The following CAMKK1 variants were observed in gnomAD, a reference collection of about 807,000 sequenced individuals.
The protein encoded by CAMKK1 is calcium/calmodulin-dependent protein kinase kinase 1.
A neutral mutation model predicts 63.5 loss-of-function variants in CAMKK1; 20 were observed. That is an observed-to-expected ratio of 0.32 (90% CI 0.22 to 0.46). CAMKK1 has a LOEUF of 0.46. CAMKK1 is among the 20% of genes least tolerant of loss of function. The pLI is 1.00. For synonymous variants in CAMKK1, 253 were observed against 269.0 expected (o/e 0.94, Z 0.58); for missense variants, 588 against 658.1 (o/e 0.89, Z 1.17).
Position 3,889,266 on chromosome 17 carries a change from G to C in CAMKK1, c.-43-3536C>G, listed in dbSNP as rs1180766432. Among the ~76,000 whole-genome samples, 1 of 152,114 alleles carries C rather than the reference G, an allele frequency of 6.6e-6. No individual in the cohort carries two copies. Among genetic ancestry groups the C allele is most frequent in the African/African-American group, 2.4e-5 (1 of 41,412 alleles). On this transcript the variant is annotated intron_variant, in intron 1 of 15. Transcript: ENST00000348335. This position sits in a 1 kb window ranked among gnomAD's most constrained non-coding sequence, Gnocchi z 5.2. ...CTCAGGCCTTAGTAGATACTCTGTA[G>C]AAACTTAATTCGGTGGATAACTAGG...
chr17:3,867,738 G>A (rs1434363799), intron 14 of CAMKK1, among the ~76,000 whole-genome samples: 1 of 152,154 alleles, frequency 6.6e-6, no homozygotes, highest in Non-Finnish European at 1.5e-5. Flanking sequence ...TGCAAGGCCA[G>A]GCCCCGCCAA....
rs533502166 is a variant in CAMKK1 at position 3,880,789 on chromosome 17, T to TG, written c.708-356_708-355insC. 1.1e-3 allele frequency among the ~76,000 whole-genome samples: 164 copies of TG among 151,958 alleles called. 2 individuals carry two copies. In the South Asian group the frequency reaches 0.012, roughly 11 times the overall value. ...ATTTAGTGGGTGGCAACTGCTTTTT[T>TG]TTTTTTTTCCTAAATAAGTAGAATA... On this transcript the variant is annotated intron_variant, in intron 8 of 15. Coordinates refer to ENST00000348335, the MANE Select transcript of CAMKK1 (RefSeq NM_032294.3).
chr17:3,887,496 G>C lies in CAMKK1; in HGVS notation c.-43-1766C>G, dbSNP rs901130413. ...TGGAGGAGGTGAAGGAGGTGAGGAG[G>C]CTGAGTGAGGCTAGAGTATCAGGGA... On this transcript the variant is annotated intron_variant, in intron 1 of 15. Coordinates refer to ENST00000348335, the MANE Select transcript of CAMKK1 (RefSeq NM_032294.3). This position sits in a 1 kb window ranked among gnomAD's most constrained non-coding sequence, Gnocchi z 6.1. 4.6e-5 allele frequency among the ~76,000 whole-genome samples: 7 copies of C among 150,900 alleles called. No homozygotes were observed. The highest frequency in any genetic ancestry group is 1.2e-4 in the African/African-American group (5 of 41,066).
At chr17:3,880,171 C>T in intron 9 of CAMKK1, 175 bp downstream of exon 9, 1 of 609,644 alleles carries the variant, frequency 1.6e-6, no homozygotes, top group Non-Finnish European at 2.9e-6. Context: ...ACCGCCCGCC[C>T]CACCCCACAA....
chr17:3,877,350 G>A (rs1436797863), intron 9 of CAMKK1, among the ~76,000 whole-genome samples: 2 of 152,126 alleles, frequency 1.3e-5, no homozygotes, highest in African/African-American at 2.4e-5. Flanking sequence ...ATAGTAGGAC[G>A]AATCCCAAAT....
chr17:3,872,704 G>T, intron 11 of CAMKK1, 77 bp from the exon 12 acceptor site: 1 of 1,249,698 alleles, frequency 8.0e-7, no homozygotes, highest in Non-Finnish European at 1.2e-6. Context: ...CCCCTCCCTT[G>T]GTGGGGGCAG....
Position 3,889,099 on chromosome 17 carries a change from C to T in CAMKK1, c.-43-3369G>A, listed in dbSNP as rs2143905735. 6.6e-6 allele frequency among the ~76,000 whole-genome samples: 1 copy of T among 152,250 alleles called. No individual in the cohort carries two copies. Among genetic ancestry groups the T allele is most frequent in the East Asian group, 1.9e-4 (1 of 5,166 alleles). ...CCTGGGGGCCCTGGGAGCCTGATCC[C>T]AGAGCTCATATCTGGACTTTTCCCC... On this transcript the variant is annotated intron_variant, in intron 1 of 15. Coordinates refer to ENST00000348335, the MANE Select transcript of CAMKK1 (RefSeq NM_032294.3). The surrounding 1 kb of genome is among the most constrained non-coding windows in gnomAD (Gnocchi z 5.2).
At position 3,883,635 on chromosome 17, in the gene CAMKK1, G is replaced by C. The variant is rs567919796; in HGVS notation, c.463-155C>G. Reference sequence around the variant, plus strand: ...TAAGTGTTAAGCGGGGTTGGGGGTGGCCATATCTGAGCCTAGCCCTTCCCC... The same window carrying C: ...TAAGTGTTAAGCGGGGTTGGGGGTGCCCATATCTGAGCCTAGCCCTTCCCC... On this transcript the variant is annotated intron_variant, in intron 4 of 15. Transcript: ENST00000348335. This position sits in a 1 kb window ranked among gnomAD's most constrained non-coding sequence, Gnocchi z 4.7. 6.6e-6 allele frequency among the ~76,000 whole-genome samples: 1 copy of C among 152,158 alleles called. No individual in the cohort carries two copies. Among genetic ancestry groups the C allele is most frequent in the Non-Finnish European group, 1.5e-5 (1 of 67,978 alleles).
chr17:3,874,532 C>T (rs571233690), intron 10 of CAMKK1, among the ~76,000 whole-genome samples: 8 of 152,006 alleles, frequency 5.3e-5, no homozygotes, highest in South Asian at 2.1e-4. Flanking sequence ...CCACCATGCC[C>T]GGCTAATTTT....
In CAMKK1 at chr17:3,873,390, T is replaced by C; in HGVS notation, c.1050+19A>G. The C allele has an allele frequency of 6.2e-7, 1 of 1,613,120 alleles. No individual in the cohort carries two copies. The highest frequency in any genetic ancestry group is 1.1e-5 in the South Asian group (1 of 91,080). On this transcript the variant is annotated intron_variant, in intron 11 of 15. Transcript: ENST00000348335. ...CTCACTGGACCCGCCCCAGCTCTGC[T>C]GGCATCCCTGGCACTCACCTTCCCA...
rs748408868 is a variant in CAMKK1 at position 3,873,470 on chromosome 17, G to T, written c.997-8C>A. The T allele has an allele frequency of 1.2e-6, 2 of 1,614,068 alleles. No homozygotes were observed. Among genetic ancestry groups the T allele is most frequent in the East Asian group, 2.2e-5 (1 of 44,864 alleles). On this transcript the variant is annotated splice_region_variant and splice_polypyrimidine_tract_variant and intron_variant, in intron 10 of 15. Coordinates refer to ENST00000348335, the MANE Select transcript of CAMKK1 (RefSeq NM_032294.3). ...GGCCCATACATCCAAGGCCTGGAAA[G>T]AAACATGCTCACATCAGTCCCCAAC...
chr17:3,885,840 C>T lies in CAMKK1; in HGVS notation c.-43-110G>A, dbSNP rs1256474829. The T allele has an allele frequency of 9.8e-6, 11 of 1,123,486 alleles. No individual in the cohort carries two copies. In the South Asian group the frequency reaches 1.2e-4, roughly 13 times the overall value. 69.6% of individuals were successfully genotyped at this position (1,123,486 alleles called of 1,614,324 possible). A position where few individuals can be genotyped will look rare whatever the true frequency, so the allele number is the denominator to read the frequency against. On this transcript the variant is annotated intron_variant, in intron 1 of 15. Transcript: ENST00000348335. ...CTCCATGCCTTTGCCCTGGCTGTTC[C>T]CTCTACCGGGATTGCCAACACCCAA...
At position 3,882,498 on chromosome 17, in the gene CAMKK1, G is replaced by T; in HGVS notation, c.685+30C>A. 6.3e-7 allele frequency: 1 copy of T among 1,598,444 alleles called. No individual in the cohort carries two copies. The highest frequency in any genetic ancestry group is 8.5e-7 in the Non-Finnish European group (1 of 1,171,658). On this transcript the variant is annotated intron_variant, in intron 7 of 15. Coordinates refer to ENST00000348335, the MANE Select transcript of CAMKK1 (RefSeq NM_032294.3). This position sits in a 1 kb window ranked among gnomAD's most constrained non-coding sequence, Gnocchi z 4.3. ...GAGCCCTTGGGCCAGCCCTGAGTGA[G>T]CTGCTGTGGGAATGAGCCAGGTCAC... is the stretch of plus-strand genomic sequence containing the variant.
intron 1 of CAMKK1, among the ~76,000 whole-genome samples, chr17:3,891,806 C>T (rs1183022326): frequency 1.3e-5 from 2 of 151,900 alleles, no homozygotes; most frequent in Non-Finnish European, 2.9e-5. Flanking sequence ...GCTGGGACTC[C>T]GGGCTTGGTT....
In CAMKK1 at chr17:3,872,420, C is replaced by A. The variant is rs1338463515; in HGVS notation, c.1124+134G>T. The A allele has an allele frequency of 7.1e-6, 5 of 700,388 alleles. No individual in the cohort carries two copies. In the Admixed American group the frequency reaches 9.4e-5, roughly 13 times the overall value. The allele number at this position is 700,388 out of a possible 1,614,324, so 43.4% of individuals were successfully genotyped here. A position where few individuals can be genotyped will look rare whatever the true frequency, so the allele number is the denominator to read the frequency against. On this transcript the variant is annotated intron_variant, in intron 12 of 15. Coordinates refer to ENST00000348335, the MANE Select transcript of CAMKK1 (RefSeq NM_032294.3). ...CCCTCCCGTCCATCTATTCAGGGGT[C>A]CCTCCCAGGGAACAGCACCGCCACC...
At chr17:3,865,736 T>C in intron 15 of CAMKK1, 172 bp downstream of exon 15, 1 of 1,440,432 alleles carries the variant, frequency 6.9e-7, no homozygotes, top group South Asian at 1.5e-5. Flanking sequence ...AGGTCCCTTC[T>C]AGCCCCGACT....
intron 15 of CAMKK1, among the ~76,000 whole-genome samples, chr17:3,864,072 C>T (rs1400564705): frequency 3.3e-5 from 5 of 151,832 alleles, no homozygotes; most frequent in Admixed American, 3.3e-4. Context: ...CCCACCTCAG[C>T]CTCCTGAGTT....
chr17:3,877,152 C>G (rs2055202616), intron 9 of CAMKK1, among the ~76,000 whole-genome samples: 1 of 152,114 alleles, frequency 6.6e-6, no homozygotes. Context: ...AGTTCCATCC[C>G]CCACCCAGGC....
chr17:3,862,844 C>T lies in CAMKK1; in HGVS notation c.1446-561G>A, dbSNP rs2054376145. Among the ~76,000 whole-genome samples the T allele has an allele frequency of 6.6e-6, 1 of 152,058 alleles. No individual in the cohort carries two copies. The highest frequency in any genetic ancestry group is 2.1e-4 in the South Asian group (1 of 4,816). On this transcript the variant is annotated intron_variant, in intron 15 of 15. Transcript: ENST00000348335. This position sits in a 1 kb window ranked among gnomAD's most constrained non-coding sequence, Gnocchi z 4.1. ...TAAAAACAGGGTTTCACCATGTTGC[C>T]CAGGCTGGTCTCAAACTCCTGGGCT...
Sources: allele counts gnomAD v4.1 joint callset (sites outside exome capture counted in the v4.1 genomes callset), GRCh38; gene constraint gnomAD v4.1.1; non-coding constraint Gnocchi (gnomAD v3.1); transcripts MANE v1.5; gene names NCBI Gene and HGNC (gene_info 2026-07-23, HGNC 2026-07-21).